GARIN1B: variants seen among roughly 807,000 people sequenced by gnomAD.
GARIN1B encodes the protein golgi associated RAB2 interactor 1B.
the GARIN1B span, among the ~76,000 whole-genome samples, chr7:128,726,284 C>T: frequency 1.6e-4 from 25 of 152,322 alleles, 1 homozygote; most frequent in East Asian, 1.5e-3. Context: ...AGCTAGGGAG[C>T]TATGGCAACC....
At chr7:128,724,819 G>C in the GARIN1B span, 4 of 1,289,738 alleles carry the variant, frequency 3.1e-6, no homozygotes, top group Non-Finnish European at 3.0e-6. Flanking sequence ...CTTTCTTTCT[G>C]AGCACTGGTA....
At chr7:128,731,531 C>T in the GARIN1B span, 3 of 249,888 alleles carry the variant, frequency 1.2e-5, no homozygotes, top group East Asian at 8.3e-5. Context: ...ATAAGGAGGA[C>T]AAGAGAAGGG....
the GARIN1B span, among the ~76,000 whole-genome samples, chr7:128,727,087 T>C: frequency 6.6e-6 from 1 of 152,324 alleles, no homozygotes; most frequent in South Asian, 2.1e-4. Flanking sequence ...TATCTTGTAT[T>C]CTTTACTTCA....
At chr7:128,730,054 C>G in the GARIN1B span, 8 of 1,613,868 alleles carry the variant, frequency 5.0e-6, no homozygotes, top group Admixed American at 1.7e-5. Context: ...CGGGCCACAG[C>G]TGGCCCCACC....
chr7:128,729,805 C>G, the GARIN1B span: 16 of 1,303,730 alleles, frequency 1.2e-5, no homozygotes, highest in East Asian at 3.7e-4. Flanking sequence ...TGGAATGGTG[C>G]CTGGCACATC....
the GARIN1B span, chr7:128,729,971 A>G: frequency 6.2e-6 from 10 of 1,614,176 alleles, no homozygotes; most frequent in Non-Finnish European, 8.5e-6. Flanking sequence ...TCATTCACGT[A>G]CGGAGAGTGG....
At chr7:128,731,417 A>G in the GARIN1B span, 1 of 485,848 alleles carries the variant, frequency 2.1e-6, no homozygotes, top group African/African-American at 1.9e-5. Flanking sequence ...GAGAAGTGGA[A>G]GGAAGCAAAA....
At chr7:128,730,198 C>A in the GARIN1B span, 1 of 1,073,296 alleles carries the variant, frequency 9.3e-7, no homozygotes, top group Non-Finnish European at 1.3e-6. Flanking sequence ...GAATGCTGGC[C>A]ACAGAGACCT....
At chr7:128,723,495 T>C in the GARIN1B span, 1 of 550,098 alleles carries the variant, frequency 1.8e-6, no homozygotes, top group Non-Finnish European at 3.0e-6. Context: ...GATGGATTGC[T>C]TGAGGTCAGG....
At chr7:128,709,883 C>G in the GARIN1B span, among the ~76,000 whole-genome samples, 2 of 151,848 alleles carry the variant, frequency 1.3e-5, no homozygotes, top group African/African-American at 4.8e-5. Context: ...TCCTGAGTAG[C>G]TGGGATTACA....
chr7:128,724,845 G>A, the GARIN1B span: 77 of 1,289,586 alleles, frequency 6.0e-5, no homozygotes, highest in Middle Eastern at 4.3e-4. Flanking sequence ...CTGAAAACCA[G>A]TACAGCTTGG....
chr7:128,714,219 T>C, the GARIN1B span: 1 of 1,306,740 alleles, frequency 7.7e-7, no homozygotes, highest in Admixed American at 2.0e-5. Context: ...TTGTGTGTAA[T>C]GATTGTCAAA....
At chr7:128,721,611 A>T in the GARIN1B span, among the ~76,000 whole-genome samples, 1 of 152,124 alleles carries the variant, frequency 6.6e-6, no homozygotes, top group Admixed American at 6.5e-5. Flanking sequence ...CATTAGCTGG[A>T]ACCTCCAGTA....
the GARIN1B span, among the ~76,000 whole-genome samples, chr7:128,717,448 T>C: frequency 6.6e-6 from 1 of 150,422 alleles, no homozygotes; most frequent in Non-Finnish European, 1.5e-5. Context: ...TTCTTTCTTT[T>C]TTTTTTTTTT....
chr7:128,722,404 C>A, the GARIN1B span, among the ~76,000 whole-genome samples: 3 of 152,308 alleles, frequency 2.0e-5, no homozygotes, highest in South Asian at 6.2e-4. Flanking sequence ...GGACAGCATG[C>A]ACAACTGGAG....
the GARIN1B span, chr7:128,713,956 G>A: frequency 6.6e-7 from 1 of 1,522,850 alleles, no homozygotes; most frequent in Admixed American, 2.0e-5. Flanking sequence ...CAAAGGATGT[G>A]GTCTCTGATC....
chr7:128,729,216 C>T, the GARIN1B span, among the ~76,000 whole-genome samples: 7 of 152,094 alleles, frequency 4.6e-5, no homozygotes, highest in African/African-American at 1.7e-4. Flanking sequence ...TATACCCCAG[C>T]CTCTGGAACT....
At chr7:128,729,887 C>G in the GARIN1B span, 5 of 1,610,318 alleles carry the variant, frequency 3.1e-6, no homozygotes, top group Non-Finnish European at 4.2e-6. Flanking sequence ...AAATGCATTT[C>G]TTTACTTGAT....
At chr7:128,710,237 G>A in the GARIN1B span, among the ~76,000 whole-genome samples, 1 of 152,126 alleles carries the variant, frequency 6.6e-6, no homozygotes, top group Non-Finnish European at 1.5e-5. Flanking sequence ...TTCTAAAAGA[G>A]CAGTAACACT....
Sources: gnomAD v4.1 joint callset for allele counts (sites outside exome capture counted in the v4.1 genomes callset) on GRCh38, gnomAD v4.1.1 for gene constraint, MANE v1.5 for transcripts, NCBI Gene and HGNC (gene_info 2026-07-23, HGNC 2026-07-21) for gene names.